The following NME7 variants were observed in gnomAD, a reference collection of about 807,000 sequenced individuals.
NME7 encodes the protein NME/NM23 family member 7, also known as nucleoside diphosphate kinase 7.
A neutral mutation model predicts 49.1 loss-of-function variants in NME7; 41 were observed. The ratio of observed to expected loss-of-function variants is 0.83; its 90% CI spans 0.65 to 1.08. The LOEUF (loss-of-function observed/expected upper bound fraction) is 1.08, where lower values mean the gene tolerates loss of function less well. Among genes scored for constraint, NME7 ranks in the 50% least tolerant of loss-of-function variants. The probability of loss-of-function intolerance (pLI) is 0.00; values close to 1 mark genes in which losing one functional copy is unlikely to be tolerated. For missense variants in NME7, 423 were observed against 463.4 expected (o/e 0.91, Z 0.80); for synonymous variants, 139 against 150.6 (o/e 0.92, Z 0.56).
At chr1:169,273,623 C>T (rs1215380356) in intron 7 of NME7, among the ~76,000 whole-genome samples, 1 of 130,102 alleles carries the variant, frequency 7.7e-6, no homozygotes, top group East Asian at 2.0e-4. Context: ...CCCCCTACCC[C>T]ACAACAGTCC....
At chr1:169,185,930 CA>C (rs1660053029) in intron 10 of NME7, among the ~76,000 whole-genome samples, 1 of 152,158 alleles carries the variant, frequency 6.6e-6, no homozygotes, top group Non-Finnish European at 1.5e-5. Context: ...GTACCTCTGA[CA>C]CAAGGAAGTA....
chr1:169,292,474 GT>G (rs1231958655), intron 6 of NME7, among the ~76,000 whole-genome samples: 2 of 152,134 alleles, frequency 1.3e-5, no homozygotes, highest in African/African-American at 4.8e-5. Flanking sequence ...TGAGCTGAGT[GT>G]TAAAAGGCAA....
At chr1:169,216,914 T>G (rs570364298) in intron 10 of NME7, among the ~76,000 whole-genome samples, 3 of 152,340 alleles carry the variant, frequency 2.0e-5, no homozygotes, top group African/African-American at 7.2e-5. Context: ...ATAACAGATT[T>G]TTTTTGTTTT....
rs113686070 is a variant in NME7 at position 169,242,685 on chromosome 1, T to TA, written c.755-4999dup. Among the ~76,000 whole-genome samples, 41 of 149,442 alleles carry TA rather than the reference T, an allele frequency of 2.7e-4. 1 individual carries two copies. The East Asian group carries it at 3.5e-3, about 13-fold the overall frequency. ...TCTATATAGAAAATCCCAAATAGCC[T>TA]AAAAAAAAATCTAGAACTAATTATT... On this transcript the variant is annotated intron_variant, in intron 7 of 11. Transcript: ENST00000367811.
At chr1:169,316,471 C>T (rs1217563908) in intron 3 of NME7, among the ~76,000 whole-genome samples, 1 of 152,144 alleles carries the variant, frequency 6.6e-6, no homozygotes, top group Non-Finnish European at 1.5e-5. Context: ...AAAATGTCCA[C>T]ATTATAATCT....
intron 10 of NME7, among the ~76,000 whole-genome samples, chr1:169,211,244 T>C (rs1660808523): frequency 6.6e-6 from 1 of 152,158 alleles, no homozygotes; most frequent in South Asian, 2.1e-4. Flanking sequence ...ACAGCACTAT[T>C]TATCATGTAT....
At chr1:169,212,874 C>T (rs1465609915) in intron 10 of NME7, among the ~76,000 whole-genome samples, 3 of 152,058 alleles carry the variant, frequency 2.0e-5, no homozygotes, top group Non-Finnish European at 4.4e-5. Context: ...AGTGATCCTC[C>T]CACCTCATCC....
chr1:169,235,519 T>C (rs1169866766), intron 8 of NME7, among the ~76,000 whole-genome samples: 1 of 152,106 alleles, frequency 6.6e-6, no homozygotes, highest in Non-Finnish European at 1.5e-5. Context: ...TTCCTCAAAC[T>C]GGCATCCTAT....
intron 11 of NME7, among the ~76,000 whole-genome samples, chr1:169,157,356 C>A (rs1490024347): frequency 6.6e-6 from 1 of 152,202 alleles, no homozygotes; most frequent in Non-Finnish European, 1.5e-5. Flanking sequence ...GGGAGAATGA[C>A]AAGAGTTGGT....
intron 4 of NME7, among the ~76,000 whole-genome samples, chr1:169,304,545 T>A (rs771235031): frequency 6.6e-6 from 1 of 152,144 alleles, no homozygotes; most frequent in Non-Finnish European, 1.5e-5. Flanking sequence ...ATATAGAGAA[T>A]AAAATTCATC....
chr1:169,316,309 G>A (rs1272995080), intron 3 of NME7, among the ~76,000 whole-genome samples: 6 of 152,146 alleles, frequency 3.9e-5, no homozygotes, highest in Non-Finnish European at 8.8e-5. Flanking sequence ...TCCTAATCTT[G>A]TTGTATGAGT....
At chr1:169,317,886 C>T (rs563941567) in intron 3 of NME7, among the ~76,000 whole-genome samples, 26 of 152,234 alleles carry the variant, frequency 1.7e-4, no homozygotes, top group African/African-American at 6.0e-4. Flanking sequence ...TCTCCATGTC[C>T]GGCCATATTT....
chr1:169,165,659 A>G (rs1659389788), intron 11 of NME7, among the ~76,000 whole-genome samples: 1 of 152,236 alleles, frequency 6.6e-6, no homozygotes, highest in Admixed American at 6.5e-5. Flanking sequence ...CACTGATCAG[A>G]CAACTTGTCT....
At chr1:169,261,510 C>A (rs1439111837) in intron 7 of NME7, among the ~76,000 whole-genome samples, 2 of 134,120 alleles carry the variant, frequency 1.5e-5, no homozygotes, top group African/African-American at 5.1e-5. Context: ...TTCTCACCAA[C>A]CTAAAATCCA....
At chr1:169,291,473 A>T (rs1186030578) in intron 6 of NME7, among the ~76,000 whole-genome samples, 1 of 151,990 alleles carries the variant, frequency 6.6e-6, no homozygotes, top group African/African-American at 2.4e-5. Flanking sequence ...GAACACAAGG[A>T]GGGGAACATC....
chr1:169,243,610 G>T (rs528992394), intron 7 of NME7, among the ~76,000 whole-genome samples: 175 of 152,256 alleles, frequency 1.1e-3, no homozygotes, highest in African/African-American at 4.0e-3. Flanking sequence ...CCTTATAAAA[G>T]AAGCTCCAGA....
At chr1:169,349,239 T>C (rs559351809) in intron 1 of NME7, among the ~76,000 whole-genome samples, 1 of 152,296 alleles carries the variant, frequency 6.6e-6, no homozygotes, top group African/African-American at 2.4e-5. Flanking sequence ...GTTTTTAATA[T>C]ATCCCCTCCA....
intron 7 of NME7, among the ~76,000 whole-genome samples, chr1:169,283,041 TG>T (rs1038820900): frequency 3.3e-5 from 5 of 152,150 alleles, no homozygotes; most frequent in Non-Finnish European, 7.4e-5. Flanking sequence ...ATATTGACAC[TG>T]GGGTGTTAAA....
At chr1:169,304,570 G>A (rs12125501) in intron 4 of NME7, among the ~76,000 whole-genome samples, 34,948 of 151,940 alleles carry the variant, frequency 0.23, 5,296 homozygotes, top group Non-Finnish European at 0.34. Context: ...GACATGGAAA[G>A]GAGAAAAAAA....
Sources: allele counts gnomAD v4.1 joint callset (sites outside exome capture counted in the v4.1 genomes callset), GRCh38; gene constraint gnomAD v4.1.1; transcripts MANE v1.5; gene names NCBI Gene and HGNC (gene_info 2026-07-23, HGNC 2026-07-21).